ACO2: variants seen among roughly 807,000 people sequenced by gnomAD.
ACO2 encodes aconitate hydratase, mitochondrial.
ACO2 carries 31 observed loss-of-function variants against 84.5 expected under a neutral mutation model. That is an observed-to-expected ratio of 0.37 (90% CI 0.28 to 0.50). The LOEUF (loss-of-function observed/expected upper bound fraction) is 0.50. ACO2 is among the 20% of genes least tolerant of loss of function. The pLI is 0.97. For missense variants in ACO2, 685 were observed against 1,029.3 expected, an observed-to-expected ratio of 0.67 and a Z score of 4.58; for synonymous variants, 414 against 412.7, an observed-to-expected ratio of 1.00 and a Z score of -0.04.
At position 41,499,713 on chromosome 22, in the gene ACO2, TTTC is replaced by T; in HGVS notation, c.37-7_37-5del. 1 of 1,610,256 alleles carries T rather than the reference TTTC, an allele frequency of 6.2e-7. No individual in the cohort carries two copies. Among genetic ancestry groups the T allele is most frequent in the Non-Finnish European group, 8.5e-7 (1 of 1,179,496 alleles). ...TGCTCCATTGACAGTGGCTGTCATGTTTCTTCTTGCAGAAAGCTCTGGGTGTGC... is the reference window on the plus strand; with the variant it reads ...TGCTCCATTGACAGTGGCTGTCATGTTTCTTGCAGAAAGCTCTGGGTGTGC... On this transcript the variant is annotated splice_polypyrimidine_tract_variant and intron_variant, in intron 1 of 17. Coordinates refer to ENST00000216254, the MANE Select transcript of ACO2 (RefSeq NM_001098.3).
chr22:41,519,563 T>C (rs2066504880), intron 8 of ACO2, among the ~76,000 whole-genome samples: 1 of 152,066 alleles, frequency 6.6e-6, no homozygotes, highest in Non-Finnish European at 1.5e-5. Flanking sequence ...CCCAGCACTT[T>C]GGGAGGCCGA....
chr22:41,486,396 C>T (rs1159930867), intron 1 of ACO2, among the ~76,000 whole-genome samples: 3 of 151,424 alleles, frequency 2.0e-5, no homozygotes, highest in African/African-American at 2.4e-5. Flanking sequence ...CAGGTTCAAG[C>T]GATTCTCCTG....
rs909127393 is a variant in ACO2 at position 41,515,735 on chromosome 22, C to T, written c.685-32C>T. The T allele has an allele frequency of 4.3e-6, 7 of 1,612,052 alleles. No homozygotes were observed. In the East Asian group the frequency reaches 1.1e-4, roughly 26 times the overall value. On this transcript the variant is annotated intron_variant, in intron 5 of 17. Coordinates refer to ENST00000216254, the MANE Select transcript of ACO2 (RefSeq NM_001098.3). The surrounding 1 kb of genome is among the most constrained non-coding windows in gnomAD (Gnocchi z 5.8). Reference sequence around the variant, plus strand: ...CGTGGCTGGCACAGGCACACACGGCCTCTCACAGCCGCCTCGCCCCCTCCT... The same window carrying T: ...CGTGGCTGGCACAGGCACACACGGCTTCTCACAGCCGCCTCGCCCCCTCCT...
At chr22:41,495,334 GT>G (rs975468967) in intron 1 of ACO2, among the ~76,000 whole-genome samples, 1 of 151,996 alleles carries the variant, frequency 6.6e-6, no homozygotes. Context: ...TGCCTGGCCT[GT>G]TTTGTCCTTG....
At chr22:41,510,891 CA>C (rs1000508145) in intron 3 of ACO2, among the ~76,000 whole-genome samples, 9 of 152,216 alleles carry the variant, frequency 5.9e-5, no homozygotes, top group Non-Finnish European at 1.3e-4. Context: ...TTGGGCCCAT[CA>C]AACACATTAC....
intron 1 of ACO2, among the ~76,000 whole-genome samples, chr22:41,474,592 CTTTT>C (rs34289556): frequency 8.8e-4 from 26 of 29,690 alleles, no homozygotes; most frequent in African/African-American, 3.6e-3. Flanking sequence ...TGCGCCTAGC[CTTTT>C]TTTTTTTTTT....
chr22:41,517,506 C>T (rs749291290), intron 6 of ACO2, 21 bp from the exon 7 acceptor site: 79 of 1,608,622 alleles, frequency 4.9e-5, no homozygotes, highest in Admixed American at 3.5e-4. Context: ...AGCCAATGCC[C>T]GGGGCTCTGT....
intron 1 of ACO2, among the ~76,000 whole-genome samples, chr22:41,486,547 T>C (rs914512855): frequency 1.3e-5 from 2 of 149,910 alleles, no homozygotes; most frequent in African/African-American, 5.0e-5. Context: ...CTCTGCTCAC[T>C]GCAAGCTCCA....
chr22:41,485,926 G>C (rs2038149374), intron 1 of ACO2, among the ~76,000 whole-genome samples: 1 of 152,034 alleles, frequency 6.6e-6, no homozygotes, highest in African/African-American at 2.4e-5. Context: ...TTGAGTGATT[G>C]GCAGCTTCTG....
intron 1 of ACO2, among the ~76,000 whole-genome samples, chr22:41,473,329 A>G (rs1423217614): frequency 1.3e-5 from 2 of 152,198 alleles, no homozygotes; most frequent in Non-Finnish European, 2.9e-5. Flanking sequence ...ACATGGTGAA[A>G]CCCAATAGCT....
chr22:41,519,397 T>C (rs915236520), intron 8 of ACO2, among the ~76,000 whole-genome samples: 3 of 152,198 alleles, frequency 2.0e-5, no homozygotes, highest in African/African-American at 7.2e-5. Context: ...TTGAATGAAT[T>C]CATGTAACTA....
At chr22:41,503,170 T>C (rs2066365610) in intron 2 of ACO2, among the ~76,000 whole-genome samples, 1 of 152,236 alleles carries the variant, frequency 6.6e-6, no homozygotes, top group Non-Finnish European at 1.5e-5. Flanking sequence ...TTTAATTTTA[T>C]CATTAAAATT....
chr22:41,519,807 C>CAG (rs776179412), intron 8 of ACO2, among the ~76,000 whole-genome samples: 26,293 of 134,882 alleles, frequency 0.19, 3,243 homozygotes, highest in Admixed American at 0.4. Flanking sequence ...GACTCCATCT[C>CAG]AAAAAAAAAA....
chr22:41,493,976 T>C (rs1205828137), intron 1 of ACO2, among the ~76,000 whole-genome samples: 2 of 152,172 alleles, frequency 1.3e-5, no homozygotes, highest in African/African-American at 4.8e-5. Flanking sequence ...GGAGAATTGC[T>C]TGAACCCTGG....
chr22:41,497,473 C>A (rs547776682), intron 1 of ACO2, among the ~76,000 whole-genome samples: 1 of 152,102 alleles, frequency 6.6e-6, no homozygotes, highest in Non-Finnish European at 1.5e-5. Context: ...CCCGGTACAG[C>A]GGCTCATGCC....
At chr22:41,491,328 G>T (rs181127746) in intron 1 of ACO2, among the ~76,000 whole-genome samples, 1 of 152,284 alleles carries the variant, frequency 6.6e-6, no homozygotes, top group East Asian at 1.9e-4. Flanking sequence ...GAAGGGGTTT[G>T]AGAGGGATGG....
intron 2 of ACO2, among the ~76,000 whole-genome samples, chr22:41,502,312 C>T (rs1272075591): frequency 6.6e-6 from 1 of 152,178 alleles, no homozygotes; most frequent in Non-Finnish European, 1.5e-5. Context: ...ATTCCAGCAT[C>T]TTAGACCCCA....
chr22:41,492,964 A>C (rs933336826), intron 1 of ACO2, among the ~76,000 whole-genome samples: 2 of 152,096 alleles, frequency 1.3e-5, no homozygotes, highest in Non-Finnish European at 2.9e-5. Flanking sequence ...AAAGAAAAGA[A>C]AAGGAATTTA....
At chr22:41,527,710 C>A in intron 16 of ACO2, 191 bp from the exon 17 acceptor site, 4 of 937,060 alleles carry the variant, frequency 4.3e-6, no homozygotes, top group Non-Finnish European at 6.3e-6. Flanking sequence ...CCTCGCAGAC[C>A]TCAGCACCAG....
Sources: gnomAD v4.1 joint callset for allele counts (sites outside exome capture counted in the v4.1 genomes callset) on GRCh38, gnomAD v4.1.1 for gene constraint, Gnocchi (gnomAD v3.1) non-coding constraint, MANE v1.5 for transcripts, NCBI Gene and HGNC (gene_info 2026-07-23, HGNC 2026-07-21) for gene names.